Variants in NAALADL2 observed in about 807,000 individuals in gnomAD.
The protein encoded by NAALADL2 is N-acetylated alpha-linked acidic dipeptidase like 2, also known as inactive N-acetylated-alpha-linked acidic dipeptidase-like protein 2.
Under a neutral mutation model 87.2 loss-of-function variants are expected in NAALADL2, and 76 were observed. The ratio of observed to expected loss-of-function variants is 0.87; its 90% CI spans 0.72 to 1.05. The LOEUF is 1.05. NAALADL2 is among the 50% of genes least tolerant of loss of function. NAALADL2 has a pLI of 0.00. For missense variants in NAALADL2, 1,089 were observed against 945.8 expected (o/e 1.15, Z -1.99); for synonymous variants, 354 against 331.0 (o/e 1.07, Z -0.75).
intron 1 of NAALADL2, among the ~76,000 whole-genome samples, chr3:174,940,547 C>T (rs1738420682): frequency 6.6e-6 from 1 of 151,998 alleles, no homozygotes; most frequent in Non-Finnish European, 1.5e-5. Flanking sequence ...AGAGGAGTCC[C>T]TCCTCTTCAA....
At chr3:175,186,383 C>T (rs1401956145) in intron 2 of NAALADL2, among the ~76,000 whole-genome samples, 3 of 152,056 alleles carry the variant, frequency 2.0e-5, no homozygotes, top group African/African-American at 7.2e-5. Context: ...CTTACTCTTT[C>T]CTTACAATCA....
chr3:174,785,244 T>G (rs1716502976), intron 3 of NAALADL2, among the ~76,000 whole-genome samples: 1 of 152,160 alleles, frequency 6.6e-6, no homozygotes, highest in Non-Finnish European at 1.5e-5. Context: ...AGTGCTAATT[T>G]TTATTTAAGT....
intron 11 of NAALADL2, among the ~76,000 whole-genome samples, chr3:175,693,937 T>C (rs112442743): frequency 0.079 from 11,998 of 152,158 alleles, 1,587 homozygotes; most frequent in African/African-American, 0.27. Flanking sequence ...TAGTGATTCA[T>C]CTGCCTTGGC....
intron 11 of NAALADL2, among the ~76,000 whole-genome samples, chr3:175,641,721 C>T (rs116464845): frequency 2.6e-5 from 4 of 152,308 alleles, no homozygotes; most frequent in Non-Finnish European, 5.9e-5. Flanking sequence ...CCATACCCAA[C>T]ATACGCACTC....
chr3:175,029,366 G>A (rs1012649413), intron 1 of NAALADL2, among the ~76,000 whole-genome samples: 1 of 151,904 alleles, frequency 6.6e-6, no homozygotes, highest in Non-Finnish European at 1.5e-5. Context: ...AAAAATGGGG[G>A]ACCCTAGTGA....
intron 5 of NAALADL2, among the ~76,000 whole-genome samples, chr3:175,402,779 G>A (rs1352020695): frequency 1.3e-5 from 2 of 151,822 alleles, no homozygotes; most frequent in Non-Finnish European, 2.9e-5. Context: ...CTCCAGCTCT[G>A]AAAAAATTGG....
chr3:175,224,091 G>A (rs968466180), intron 2 of NAALADL2, among the ~76,000 whole-genome samples: 1 of 152,094 alleles, frequency 6.6e-6, no homozygotes, highest in Non-Finnish European at 1.5e-5. Context: ...AGCAACACAG[G>A]TCTATTGCAA....
At chr3:175,163,681 A>G (rs1470464705) in intron 2 of NAALADL2, among the ~76,000 whole-genome samples, 1 of 152,084 alleles carries the variant, frequency 6.6e-6, no homozygotes, top group Non-Finnish European at 1.5e-5. Context: ...ATATTTTTTC[A>G]CTTCCTATTC....
chr3:174,620,014 A>G (rs143535765), intron 2 of NAALADL2, among the ~76,000 whole-genome samples: 4 of 151,930 alleles, frequency 2.6e-5, no homozygotes, highest in Non-Finnish European at 5.9e-5. Context: ...GCATGTATCT[A>G]AAAAGCGATA....
intron 13 of NAALADL2, among the ~76,000 whole-genome samples, chr3:175,762,811 C>T (rs1437755656): frequency 2.6e-5 from 4 of 152,086 alleles, no homozygotes; most frequent in Admixed American, 6.5e-5. Flanking sequence ...AAGGGCCAGG[C>T]GCAGTGGCAC....
At chr3:174,849,509 G>T (rs2109466018) in intron 3 of NAALADL2, among the ~76,000 whole-genome samples, 1 of 152,030 alleles carries the variant, frequency 6.6e-6, no homozygotes, top group African/African-American at 2.4e-5. Context: ...GGCCGAGGCG[G>T]GCAGATCACA....
chr3:174,743,078 C>G (rs1415702039), intron 3 of NAALADL2, among the ~76,000 whole-genome samples: 1 of 151,696 alleles, frequency 6.6e-6, no homozygotes, highest in East Asian at 1.9e-4. Context: ...TTCCTGGTAT[C>G]AATCTGATGT....
At chr3:174,932,684 G>A (rs1737094235) in intron 1 of NAALADL2, among the ~76,000 whole-genome samples, 1 of 152,108 alleles carries the variant, frequency 6.6e-6, no homozygotes, top group African/African-American at 2.4e-5. Context: ...ACCATATAGA[G>A]TTCTTCATTT....
intron 1 of NAALADL2, among the ~76,000 whole-genome samples, chr3:174,875,749 G>A (rs1728425787): frequency 6.6e-6 from 1 of 151,380 alleles, no homozygotes; most frequent in Admixed American, 6.6e-5. Flanking sequence ...ATAATTTTTG[G>A]CATTTTTTCA....
chr3:175,076,322 C>A lies in NAALADL2; in HGVS notation c.44-20468C>A, dbSNP rs1316897039. Among the ~76,000 whole-genome samples the A allele has an allele frequency of 3.1e-5, 4 of 127,500 alleles. No individual in the cohort carries two copies. In the South Asian group the frequency reaches 7.8e-4, roughly 25 times the overall value. The allele number at this position is 127,500 out of a possible 152,430, so 83.6% of individuals were successfully genotyped here. A position where few individuals can be genotyped will look rare whatever the true frequency, so the allele number is the denominator to read the frequency against. On this transcript the variant is annotated intron_variant, in intron 1 of 13. Transcript: ENST00000454872. Reference sequence around the variant, plus strand: ...CTTCTGCCAAATCGTGTATTTCATGCTTTTTTTTTTTTTTTTTTACTTTAT... The same window carrying A: ...CTTCTGCCAAATCGTGTATTTCATGATTTTTTTTTTTTTTTTTTACTTTAT...
chr3:174,926,885 G>T (rs1331720667), intron 1 of NAALADL2, among the ~76,000 whole-genome samples: 4 of 152,128 alleles, frequency 2.6e-5, no homozygotes, highest in African/African-American at 9.7e-5. Flanking sequence ...TGGGCTAAAT[G>T]CTGCAATTAA....
chr3:175,587,229 T>G (rs1458792951), intron 10 of NAALADL2, among the ~76,000 whole-genome samples: 1 of 148,748 alleles, frequency 6.7e-6, no homozygotes, highest in Non-Finnish European at 1.5e-5. Flanking sequence ...TGACTGAAAG[T>G]TTTTAATAAG....
At chr3:175,529,540 A>C (rs946533198) in intron 9 of NAALADL2, among the ~76,000 whole-genome samples, 23 of 152,166 alleles carry the variant, frequency 1.5e-4, no homozygotes, top group African/African-American at 5.1e-4. Context: ...AAGAGCATAC[A>C]TGGCCTTCTG....
intron 3 of NAALADL2, among the ~76,000 whole-genome samples, chr3:174,834,813 CA>C (rs1312225004): frequency 6.6e-6 from 1 of 150,730 alleles, no homozygotes; most frequent in Non-Finnish European, 1.5e-5. Flanking sequence ...AGAGATAAGC[CA>C]TGTTTATTGG....
Sources: allele counts gnomAD v4.1 joint callset (sites outside exome capture counted in the v4.1 genomes callset), GRCh38; gene constraint gnomAD v4.1.1; transcripts MANE v1.5; gene names NCBI Gene and HGNC (gene_info 2026-07-23, HGNC 2026-07-21).